The following UNC45A variants were observed in gnomAD, a reference collection of about 807,000 sequenced individuals.
UNC45A encodes protein unc-45 homolog A.
UNC45A carries 78 observed loss-of-function variants against 103.2 expected under a neutral mutation model. The ratio of observed to expected loss-of-function variants is 0.76; its 90% CI spans 0.63 to 0.91. UNC45A has a LOEUF of 0.91. UNC45A is among the 40% of genes least tolerant of loss of function. UNC45A has a pLI of 0.00. For missense variants in UNC45A, 1,193 were observed against 1,224.8 expected (o/e 0.97, Z 0.39); for synonymous variants, 495 against 504.6 (o/e 0.98, Z 0.25).
chr15:90,950,077 G>A (rs1035571026), intron 15 of UNC45A, 77 bp from the exon 16 acceptor site: 11 of 1,398,662 alleles, frequency 7.9e-6, no homozygotes, highest in South Asian at 7.6e-5. Context: ...AGGGTGGCAC[G>A]GTCAGGGCTG....
At chr15:90,934,387 G>C, upstream of UNC45A, 1 of 399,086 alleles carries the variant, frequency 2.5e-6, no homozygotes, top group Non-Finnish European at 4.4e-6. Flanking sequence ...GATGTCCATG[G>C]CCGTCACTAC....
chr15:90,939,316 G>C (rs2036172149), intron 4 of UNC45A, among the ~76,000 whole-genome samples: 1 of 152,170 alleles, frequency 6.6e-6, no homozygotes, highest in African/African-American at 2.4e-5. Context: ...GAGAATTCTG[G>C]AGCTAAAGGA....
At chr15:90,951,994 C>T (rs140384849) in intron 17 of UNC45A, among the ~76,000 whole-genome samples, 5 of 152,266 alleles carry the variant, frequency 3.3e-5, no homozygotes, top group African/African-American at 9.6e-5. Flanking sequence ...TGGTCTTCTA[C>T]ATCCTAATTT....
At chr15:90,938,848 T>A (rs1420117432) in intron 4 of UNC45A, among the ~76,000 whole-genome samples, 1 of 151,754 alleles carries the variant, frequency 6.6e-6, no homozygotes, top group Non-Finnish European at 1.5e-5. Context: ...ATTTTTATAT[T>A]TTTAGTAGAG....
chr15:90,935,372 CG>C lies in UNC45A; in HGVS notation c.51+1del. 6.3e-7 allele frequency: 1 copy of C among 1,598,046 alleles called. No individual in the cohort carries two copies. On this transcript the variant is annotated frameshift_variant and splice_region_variant, in exon 1 of 20. Coordinates refer to ENST00000418476, the MANE Select transcript of UNC45A (RefSeq NM_018671.5). LOFTEE classifies it high-confidence loss of function. Reference protein sequence around the residue: ...GTPEPRPATPGASSVEQLRKE... With the variant: ...GTPEPRPATPXASSVEQLRKE... Reference sequence around the variant, plus strand: ...CCCCCGAGCCCCGGCCGGCCACCCCCGGGGTGCGTACCCAACCCCCGCGCCA... The same window carrying C: ...CCCCCGAGCCCCGGCCGGCCACCCCCGGGTGCGTACCCAACCCCCGCGCCA...
chr15:90,943,060 C>T lies in UNC45A; in HGVS notation c.1005C>T (p.Leu335=). 6.2e-7 allele frequency: 1 copy of T among 1,613,798 alleles called. No individual in the cohort carries two copies. Residue 335 remains leucine (L), a synonymous_variant, in exon 8 of 20, where the codon CTC becomes CTT. Coordinates refer to ENST00000418476, the MANE Select transcript of UNC45A (RefSeq NM_018671.5). ...RKSLKDPNNS[L]TLWVIDQGLK... is the part of the protein sequence containing the mutation. ...CTCTCAAGGACCCCAACAACAGCCT[C>T]ACCCTCTGGGTCATCGACCAAGGTA... is the stretch of plus-strand genomic sequence containing the variant.
chr15:90,935,711 G>A lies in UNC45A; in HGVS notation c.213+6G>A. ...CCGCCTGCCACCTCAAGCTGGTGAG[G>A]GAGCCTGGCGCTCTTCCCCTCGCCC... On this transcript the variant is annotated splice_donor_region_variant and intron_variant, in intron 2 of 19. Coordinates refer to ENST00000418476, the MANE Select transcript of UNC45A (RefSeq NM_018671.5). 3.2e-6 allele frequency: 5 copies of A among 1,551,084 alleles called. No individual in the cohort carries two copies. Among genetic ancestry groups the A allele is most frequent in the South Asian group, 1.2e-5 (1 of 81,310 alleles).
At chr15:90,950,122 T>A in intron 15 of UNC45A, 32 bp from the exon 16 acceptor site, 1 of 1,545,032 alleles carries the variant, frequency 6.5e-7, no homozygotes, top group Non-Finnish European at 8.8e-7. Context: ...CTCCCAGGGA[T>A]GTCCTGAGCA....
At chr15:90,935,517 A>G (rs1378391454) in intron 1 of UNC45A, 27 bp from the exon 2 acceptor site, 7 of 1,577,140 alleles carry the variant, frequency 4.4e-6, no homozygotes, top group Middle Eastern at 1.7e-4. Flanking sequence ...ACCCCCTCCG[A>G]CGTTTCCGCC....
intron 8 of UNC45A, 138 bp from the exon 9 acceptor site, chr15:90,944,754 C>T (rs1300239958): frequency 2.2e-5 from 22 of 1,017,138 alleles, no homozygotes; most frequent in South Asian, 1.6e-4. Flanking sequence ...GCAGATTCTC[C>T]GGGCTGCCCT....
intron 17 of UNC45A, among the ~76,000 whole-genome samples, chr15:90,951,232 C>T (rs984258229): frequency 2.0e-5 from 3 of 152,178 alleles, no homozygotes; most frequent in African/African-American, 7.2e-5. Flanking sequence ...GTCTAGATCT[C>T]CTGACCTCGT....
intron 4 of UNC45A, among the ~76,000 whole-genome samples, chr15:90,938,481 TGAG>T (rs1164403848): frequency 6.6e-6 from 1 of 151,838 alleles, no homozygotes; most frequent in Non-Finnish European, 1.5e-5. Flanking sequence ...AGTCCTATGT[TGAG>T]AAGAATTAGG....
Position 90,949,438 on chromosome 15 carries a change from C to T in UNC45A, c.2001C>T (p.Leu667=), listed in dbSNP as rs2036766726. The stretch of plus-strand genomic sequence containing the variant: ...TGACCAGTTCCTGCAGAGAGCTGCT[C>T]TCCAGGTGAGCCAGCCTTGGTAGGA... The part of the protein sequence containing the change: ...PVLTSSCREL[L]SRVFLALVEE... The change falls in exon 14 of 20, where the codon CTC becomes CTT. Residue 667 remains leucine (L), a synonymous_variant. Coordinates refer to ENST00000418476, the MANE Select transcript of UNC45A (RefSeq NM_018671.5). The T allele has an allele frequency of 1.2e-6, 2 of 1,613,486 alleles. No homozygotes were observed. Among genetic ancestry groups the T allele is most frequent in the African/African-American group, 2.7e-5 (2 of 74,902 alleles).
Position 90,935,637 on chromosome 15 carries a change from G to A in UNC45A, c.145G>A (p.Gly49Ser), listed in dbSNP as rs1186805190. The A allele has an allele frequency of 6.2e-7, 1 of 1,612,488 alleles. No homozygotes were observed. Among genetic ancestry groups the A allele is most frequent in the East Asian group, 2.2e-5 (1 of 44,860 alleles). Residue 49 changes from glycine (G) to serine (S), a missense_variant, in exon 2 of 20, where the codon GGT (glycine) becomes AGT (serine). Transcript: ENST00000418476. ...GALAAYTQAL[G>S]LDATPQDQAV... ...CCTGGCGGCCTACACTCAGGCCCTG[G>A]GTCTGGACGCGACGCCCCAGGACCA...
At chr15:90,931,926 T>C, upstream of UNC45A, 1 of 1,613,928 alleles carries the variant, frequency 6.2e-7, no homozygotes, top group Non-Finnish European at 8.5e-7. Flanking sequence ...TCCTCCACCG[T>C]GTCATGGAGC....
At position 90,942,509 on chromosome 15, in the gene UNC45A, TC is replaced by T; in HGVS notation, c.763del (p.Leu255TrpfsTer37). 1.2e-6 allele frequency: 2 copies of T among 1,614,168 alleles called. No homozygotes were observed. The highest frequency in any genetic ancestry group is 1.7e-6 in the Non-Finnish European group (2 of 1,180,036). On this transcript the variant is annotated frameshift_variant, in exon 7 of 20. Coordinates refer to ENST00000418476, the MANE Select transcript of UNC45A (RefSeq NM_018671.5). LOFTEE classifies it high-confidence loss of function. ...SILGVESQAV[S>X]LAACHLLQVM... ...CCTGGGCGTGGAAAGCCAGGCTGTG[TC>T]CCTGGCTGCCTGCCACCTGCTGCAG...
Sources: gnomAD v4.1 joint callset for allele counts (sites outside exome capture counted in the v4.1 genomes callset) on GRCh38, gnomAD v4.1.1 for gene constraint, MANE v1.5 for transcripts, NCBI Gene and HGNC (gene_info 2026-07-23, HGNC 2026-07-21) for gene names.